Variants in SLC6A12 observed in about 807,000 individuals in gnomAD.
SLC6A12 encodes the protein sodium- and chloride-dependent betaine transporter.
SLC6A12 carries 50 observed loss-of-function variants against 73.3 expected under a neutral mutation model. The observed-to-expected ratio is 0.68, with a 90% confidence interval of 0.54 to 0.86. The LOEUF (loss-of-function observed/expected upper bound fraction) is 0.86, where lower values mean the gene tolerates loss of function less well. Ranked by LOEUF, SLC6A12 falls within the 40% of genes least tolerant of loss-of-function variation. The probability of loss-of-function intolerance (pLI) is 0.00; values close to 1 mark genes in which losing one functional copy is unlikely to be tolerated. For missense variants in SLC6A12, 648 were observed against 772.8 expected, an observed-to-expected ratio of 0.84 and a Z score of 1.92; for synonymous variants, 304 against 309.2, an observed-to-expected ratio of 0.98 and a Z score of 0.18.
intron 10 of SLC6A12, among the ~76,000 whole-genome samples, chr12:197,174 C>CCATCTATCT (rs1939945544): frequency 8.3e-5 from 1 of 12,068 alleles, no homozygotes; most frequent in Admixed American, 1.0e-3. Flanking sequence ...TCCATCCATC[C>CCATCTATCT]ATCCATCCAT....
downstream of SLC6A12, among the ~76,000 whole-genome samples, chr12:186,272 A>G (rs191972193): frequency 1.3e-5 from 2 of 152,298 alleles, no homozygotes; most frequent in Non-Finnish European, 2.9e-5. Context: ...GTCCAGGAGC[A>G]CACTTGACCC....
chr12:188,424 C>G (rs1380319082), downstream of SLC6A12, among the ~76,000 whole-genome samples: 1 of 152,154 alleles, frequency 6.6e-6, no homozygotes, highest in Admixed American at 6.5e-5. Flanking sequence ...CCGCAAGCGC[C>G]GCGCGCAGCC....
At chr12:192,417 C>T (rs1288068563) in intron 15 of SLC6A12, 61 bp downstream of exon 15, 2 of 1,502,892 alleles carry the variant, frequency 1.3e-6, no homozygotes, top group African/African-American at 1.4e-5. Flanking sequence ...TGTGTCCTGC[C>T]CCAAGTCCAG....
At chr12:200,532 C>T (rs1406953349) in intron 7 of SLC6A12, 119 bp downstream of exon 7, 7 of 1,129,504 alleles carry the variant, frequency 6.2e-6, no homozygotes, top group Admixed American at 2.2e-5. Flanking sequence ...TCTCCCCTGC[C>T]CTGCTCAGGA....
chr12:209,514 G>A (rs1258660776), intron 3 of SLC6A12, among the ~76,000 whole-genome samples: 1 of 152,208 alleles, frequency 6.6e-6, no homozygotes, highest in Admixed American at 6.5e-5. Context: ...TCATGAAGGA[G>A]CTTGTTAAAA....
intron 1 of SLC6A12, among the ~76,000 whole-genome samples, chr12:212,341 G>T (rs960289731): frequency 6.6e-6 from 1 of 152,198 alleles, no homozygotes; most frequent in African/African-American, 2.4e-5. Context: ...CAAGGGCTGG[G>T]AGAGTGGAGG....
At chr12:188,980 C>A (rs1939496071), downstream of SLC6A12, among the ~76,000 whole-genome samples, 1 of 152,180 alleles carries the variant, frequency 6.6e-6, no homozygotes, top group Non-Finnish European at 1.5e-5. Flanking sequence ...GCGGGACAGG[C>A]TGTGCGCTAA....
Position 193,279 on chromosome 12 carries a change from G to A in SLC6A12, c.1528C>T (p.Leu510=), listed in dbSNP as rs1390913730. 2.5e-6 allele frequency: 4 copies of A among 1,611,268 alleles called. No homozygotes were observed. The highest frequency in any genetic ancestry group is 2.7e-5 in the African/African-American group (2 of 74,862). ...AGGGGCAGCTGGTGGGCACATACCA[G>A]GCAAAGTCCAGGGGTCAGGAAGAGC... is the stretch of plus-strand genomic sequence containing the variant. ...SWLFLTPGLC[L]ATFLFSLSKY... Residue 510 remains leucine (L), a splice_region_variant and synonymous_variant, in exon 14 of 16, where the codon CTG becomes TTG. Coordinates refer to ENST00000684302, the MANE Select transcript of SLC6A12 (RefSeq NM_001122848.3).
chr12:204,334 G>A (rs931954989), intron 4 of SLC6A12: 9 of 529,094 alleles, frequency 1.7e-5, no homozygotes, highest in Non-Finnish European at 2.4e-5. Flanking sequence ...CACCAAACTG[G>A]CCTCCCCCAC....
At chr12:199,314 G>A (rs765468712) in intron 7 of SLC6A12, among the ~76,000 whole-genome samples, 1 of 152,218 alleles carries the variant, frequency 6.6e-6, no homozygotes, top group Non-Finnish European at 1.5e-5. Flanking sequence ...TATATAATGT[G>A]TAATGATCAA....
At chr12:212,519 A>T (rs1376818855) in intron 1 of SLC6A12, among the ~76,000 whole-genome samples, 2 of 152,216 alleles carry the variant, frequency 1.3e-5, no homozygotes, top group Non-Finnish European at 2.9e-5. Flanking sequence ...ATGATTTTTT[A>T]AAAATAAAAA....
chr12:204,676 G>A lies in SLC6A12; in HGVS notation c.237C>T (p.Phe79=), dbSNP rs1184197583. ...NGGGAFFIPY[F]IFFFVCGIPV... ...GGATGCCGCAGACAAAGAAGAAGAT[G>A]AAGTAGGGGATGAAGAAGGCTCCTG... Residue 79 remains phenylalanine (F), a synonymous_variant, in exon 4 of 16, where the codon TTC becomes TTT. Transcript: ENST00000684302. 4.3e-6 allele frequency: 7 copies of A among 1,614,046 alleles called. No homozygotes were observed. Among genetic ancestry groups the A allele is most frequent in the Non-Finnish European group, 5.9e-6 (7 of 1,180,042 alleles).
At position 193,504 on chromosome 12, in the gene SLC6A12, G is replaced by A. The variant is rs1591779710; in HGVS notation, c.1430-127C>T. 7.8e-6 allele frequency: 5 copies of A among 642,354 alleles called. 1 individual carries two copies. The South Asian group carries it at 9.4e-5, about 12-fold the overall frequency. 39.8% of individuals were successfully genotyped at this position (642,354 alleles called of 1,614,324 possible). ...CGCCCTGTGCAGGGAAACTGGAACAGGGCACGTGAGTGAGACGCCTCCCTG... is the reference window on the plus strand; with the variant it reads ...CGCCCTGTGCAGGGAAACTGGAACAAGGCACGTGAGTGAGACGCCTCCCTG... On this transcript the variant is annotated intron_variant, in intron 13 of 15. Coordinates refer to ENST00000684302, the MANE Select transcript of SLC6A12 (RefSeq NM_001122848.3).
chr12:193,167 G>A (rs552363466), intron 14 of SLC6A12, 110 bp downstream of exon 14: 17 of 780,498 alleles, frequency 2.2e-5, no homozygotes, highest in African/African-American at 8.5e-5. Flanking sequence ...CAGGCCCCAC[G>A]GGAGACTGGA....
At chr12:187,614 A>AAAAAAAAAAAAC (rs1939457764), downstream of SLC6A12, among the ~76,000 whole-genome samples, 1 of 15,284 alleles carries the variant, frequency 6.5e-5, no homozygotes, top group Non-Finnish European at 5.8e-4. Flanking sequence ...AAAAAAAAAA[A>AAAAAAAAAAAAC]AAAAAAAAAA....
rs1565468964 is a variant in SLC6A12 at position 197,118 on chromosome 12, C to CATCT, written c.1076-237_1076-236insAGAT. 1.7e-3 allele frequency among the ~76,000 whole-genome samples: 113 copies of CATCT among 68,206 alleles called. 1 individual carries two copies. The highest frequency in any genetic ancestry group is 6.5e-3 in the Middle Eastern group (1 of 154). The allele number at this position is 68,206 out of a possible 152,430, so 44.7% of individuals were successfully genotyped here. A position where few individuals can be genotyped will look rare whatever the true frequency, so the allele number is the denominator to read the frequency against. On this transcript the variant is annotated intron_variant, in intron 10 of 15. Transcript: ENST00000684302. ...CCATCCATCCATCCATCCATCCATC[C>CATCT]ATCCATCCATCCATCCATCCATCCA...
chr12:203,059 CT>C (rs10582500), intron 4 of SLC6A12, among the ~76,000 whole-genome samples, 179 bp from the exon 5 acceptor site: 726 of 68,306 alleles, frequency 0.011, 1 homozygote, highest in South Asian at 0.036. Flanking sequence ...TTTTTCTTTT[CT>C]TTTTTTTTTT....
intron 10 of SLC6A12, 67 bp from the exon 11 acceptor site, chr12:196,949 C>T (rs1939897436): frequency 1.9e-6 from 2 of 1,056,896 alleles, no homozygotes; most frequent in Non-Finnish European, 2.9e-6. Flanking sequence ...AGAGGCGTCT[C>T]TCTAAGCACT....
intron 12 of SLC6A12, among the ~76,000 whole-genome samples, 158 bp from the exon 13 acceptor site, chr12:195,485 C>G (rs1244324198): frequency 1.3e-5 from 2 of 152,190 alleles, no homozygotes; most frequent in Non-Finnish European, 2.9e-5. Flanking sequence ...TCTGCCCCTG[C>G]CTTCAGGCCC....
Sources: allele counts gnomAD v4.1 joint callset (sites outside exome capture counted in the v4.1 genomes callset), GRCh38; gene constraint gnomAD v4.1.1; transcripts MANE v1.5; gene names NCBI Gene and HGNC (gene_info 2026-07-23, HGNC 2026-07-21).